Variants in SYNPO observed in about 807,000 individuals in gnomAD.
SYNPO encodes the protein synaptopodin.
Under a neutral mutation model 49.5 loss-of-function variants are expected in SYNPO, and 19 were observed. The ratio of observed to expected loss-of-function variants is 0.38; its 90% CI spans 0.27 to 0.56. The LOEUF (loss-of-function observed/expected upper bound fraction) is 0.56. SYNPO is among the 20% of genes least tolerant of loss of function. The pLI, the probability that SYNPO is intolerant of heterozygous loss-of-function variation, is 0.68. For synonymous variants in SYNPO, 536 were observed against 548.0 expected (o/e 0.98, Z 0.31); for missense variants, 1,131 against 1,248.3 (o/e 0.91, Z 1.42).
chr5:150,591,431 A>G, the SYNPO span, among the ~76,000 whole-genome samples: 1 of 152,188 alleles, frequency 6.6e-6, no homozygotes. Flanking sequence ...AATTCCAGCC[A>G]TCAAGCCTGT....
chr5:150,586,294 C>T, the SYNPO span, among the ~76,000 whole-genome samples: 150 of 152,364 alleles, frequency 9.8e-4, 1 homozygote, highest in African/African-American at 3.3e-3. Context: ...TAGAATCAAT[C>T]TTCCGCTGCA....
At chr5:150,622,927 A>G (rs1473293383) in intron 2 of SYNPO, among the ~76,000 whole-genome samples, 2 of 152,240 alleles carry the variant, frequency 1.3e-5, no homozygotes, top group South Asian at 2.1e-4. Flanking sequence ...CATGATGTAT[A>G]GATGCCATGT....
intron 2 of SYNPO, among the ~76,000 whole-genome samples, chr5:150,655,199 C>T (rs954478659): frequency 6.6e-6 from 1 of 152,226 alleles, no homozygotes; most frequent in Non-Finnish European, 1.5e-5. Flanking sequence ...GTTCAGAAAT[C>T]TAAACTTATA....
In SYNPO at chr5:150,640,865, T is replaced by G. The variant is rs191965952; in HGVS notation, c.-333+11T>G. On this transcript the variant is annotated intron_variant, in intron 1 of 2. Coordinates refer to ENST00000307662, the MANE Select transcript of SYNPO (RefSeq NM_007286.6). ...GGAGGACCTAGCAGAGTGAGTAAGA[T>G]GAGCACCCGGAGGTGCCTTTGTGGC... is the stretch of plus-strand genomic sequence containing the variant. 1 of 985,426 alleles carries G rather than the reference T, an allele frequency of 1.0e-6. No homozygotes were observed. Among genetic ancestry groups the G allele is most frequent in the Non-Finnish European group, 1.2e-6 (1 of 829,816 alleles). The allele number at this position is 985,426 out of a possible 1,614,324, so 61.0% of individuals were successfully genotyped here. A position where few individuals can be genotyped will look rare whatever the true frequency, so the allele number is the denominator to read the frequency against.
intron 2 of SYNPO, among the ~76,000 whole-genome samples, chr5:150,635,190 G>C (rs1757674513): frequency 6.6e-6 from 1 of 152,256 alleles, no homozygotes; most frequent in African/African-American, 2.4e-5. Flanking sequence ...GTACCTGCGG[G>C]TGCTCAGTGT....
Position 150,656,486 on chromosome 5 carries a change from G to GC in SYNPO, c.2114dup (p.Trp708ValfsTer36), listed in dbSNP as rs1174855947. 1.3e-6 allele frequency: 2 copies of GC among 1,532,466 alleles called. No homozygotes were observed. The highest frequency in any genetic ancestry group is 2.8e-5 in the African/African-American group (2 of 72,560). The allele number at this position is 1,532,466 out of a possible 1,614,324, so 94.9% of individuals were successfully genotyped here. ...CCCAGCAGCCTAGACGGCTGGGTGA[G>GC]CCCGGGCCCGTGGGAGCCAGGTCGC... On this transcript the variant is annotated frameshift_variant, in exon 3 of 3. Coordinates refer to ENST00000307662, the MANE Select transcript of SYNPO (RefSeq NM_007286.6). LOFTEE classifies it high-confidence loss of function.
rs905445765 is a variant in SYNPO at position 150,650,295 on chromosome 5, G to C, written c.2020G>C (p.Glu674Gln). Residue 674 changes from glutamate (E) to glutamine (Q), a missense_variant, in exon 2 of 3, where the codon GAG (glutamate) becomes CAG (glutamine). Physicochemically the swap from Glu to Gln is conservative, Grantham distance 29. Around this residue, in one of 4 missense-constraint regions of SYNPO, gnomAD observed 509 missense variants for 484.5 expected, o/e 1.05. Coordinates refer to ENST00000307662, the MANE Select transcript of SYNPO (RefSeq NM_007286.6). ...CTTCTCTACCCGGAACGCCGGGATCGAGGCTCAGGTGTGGAAGCCTTCCTT... is the reference window on the plus strand; with the variant it reads ...CTTCTCTACCCGGAACGCCGGGATCCAGGCTCAGGTGTGGAAGCCTTCCTT... ...PSFSTRNAGI[E>Q]AQDRRESLPT... 1 of 1,614,142 alleles carries C rather than the reference G, an allele frequency of 6.2e-7. No homozygotes were observed. The highest frequency in any genetic ancestry group is 8.5e-7 in the Non-Finnish European group (1 of 1,180,038).
At position 150,644,440 on chromosome 5, in the gene SYNPO, C is replaced by T. The variant is rs571094046; in HGVS notation, c.-332-3504C>T. On this transcript the variant is annotated intron_variant, in intron 1 of 2. Transcript: ENST00000307662. ...AGCTCTGGAATCTCCTGCTATTTGA[C>T]CTTCAGTCAATCCCCTGTGCTAGAA... 3.3e-5 allele frequency among the ~76,000 whole-genome samples: 5 copies of T among 152,306 alleles called. No homozygotes were observed. The East Asian group carries it at 7.7e-4, about 24-fold the overall frequency.
At chr5:150,618,753 T>G (rs1757057058) in exon 2 of SYNPO, 1 of 1,550,924 alleles carries the variant, frequency 6.4e-7, no homozygotes, top group African/African-American at 1.4e-5. Flanking sequence ...GGGCCCAGAG[T>G]GGCCCAGAAA....
Position 150,656,855 on chromosome 5 carries a change from C to T in SYNPO, c.2480C>T (p.Pro827Leu), listed in dbSNP as rs1466937872. 2 of 1,559,998 alleles carry T rather than the reference C, an allele frequency of 1.3e-6. No individual in the cohort carries two copies. The highest frequency in any genetic ancestry group is 2.4e-5 in the East Asian group (1 of 41,394). Residue 827 changes from proline to leucine, a missense_variant, in exon 3 of 3, where the codon CCG (proline) becomes CTG (leucine). Around this residue, in one of 4 missense-constraint regions of SYNPO, gnomAD observed 509 missense variants for 484.5 expected, o/e 1.05. Transcript: ENST00000307662. ...GAAFAPIPRS[P>L]LPAGPSSCTS... ...GCCTTCGCGCCCATCCCGCGGAGCC[C>T]GTTGCCCGCCGGTCCTTCGTCCTGC...
At chr5:150,611,848 A>G (rs1756857008) in intron 1 of SYNPO, among the ~76,000 whole-genome samples, 1 of 152,278 alleles carries the variant, frequency 6.6e-6, no homozygotes, top group African/African-American at 2.4e-5. Context: ...CAGGTGTAGC[A>G]GCAACCTTGC....
Position 150,656,703 on chromosome 5 carries a change from C to T in SYNPO, c.2328C>T (p.Gly776=). ...AGAGCGCCTCCCCGCGGTCGGCGGG[C>T]GCCGAGAACCCGCGGCCCTTCTCCC... ...RRKSASPRSA[G]AENPRPFSPP... is the part of the protein sequence containing the mutation. Residue 776 remains glycine, a synonymous_variant, in exon 3 of 3, where the codon GGC becomes GGT. Coordinates refer to ENST00000307662, the MANE Select transcript of SYNPO (RefSeq NM_007286.6). The T allele has an allele frequency of 6.2e-6, 9 of 1,449,724 alleles. No individual in the cohort carries two copies. The highest frequency in any genetic ancestry group is 1.3e-5 in the South Asian group (1 of 75,288). 89.8% of individuals were successfully genotyped at this position (1,449,724 alleles called of 1,614,324 possible). A position where few individuals can be genotyped will look rare whatever the true frequency, so the allele number is the denominator to read the frequency against.
intron 2 of SYNPO, among the ~76,000 whole-genome samples, chr5:150,655,897 C>T (rs1007901093): frequency 2.6e-5 from 4 of 152,190 alleles, no homozygotes; most frequent in Admixed American, 6.5e-5. Context: ...GTGATCCACC[C>T]GCCTCGGCCT....
intron 1 of SYNPO, among the ~76,000 whole-genome samples, chr5:150,601,601 G>A (rs750420384): frequency 6.6e-6 from 1 of 152,216 alleles, no homozygotes; most frequent in African/African-American, 2.4e-5. Context: ...GCACACGCGA[G>A]AGCCTGTCTG....
chr5:150,651,641 G>A (rs746707814), intron 2 of SYNPO: 2 of 1,001,824 alleles, frequency 2.0e-6, no homozygotes, highest in Non-Finnish European at 2.4e-6. Flanking sequence ...GGGACAGTAG[G>A]AGCATGGCAG....
At chr5:150,601,561 C>A (rs562727207) in intron 1 of SYNPO, among the ~76,000 whole-genome samples, 1 of 152,148 alleles carries the variant, frequency 6.6e-6, no homozygotes, top group Non-Finnish European at 1.5e-5. Flanking sequence ...GAGTTCTGTG[C>A]GTGTGCTTGT....
intron 2 of SYNPO, among the ~76,000 whole-genome samples, chr5:150,630,232 CTA>C (rs1315357262): frequency 6.6e-6 from 1 of 152,176 alleles, no homozygotes; most frequent in African/African-American, 2.4e-5. Context: ...TGAGTGGCTC[CTA>C]AGTGCTTGAG....
chr5:150,611,937 C>A (rs1406729092), intron 1 of SYNPO, among the ~76,000 whole-genome samples: 1 of 152,244 alleles, frequency 6.6e-6, no homozygotes, highest in Non-Finnish European at 1.5e-5. Context: ...GAAAGTGATT[C>A]TTCCAAGAAT....
upstream of SYNPO, chr5:150,640,259 C>T (rs901106396): frequency 6.2e-5 from 48 of 779,282 alleles, no homozygotes; most frequent in African/African-American, 9.4e-5. Context: ...CTAGGTAGGC[C>T]GGAAATCTGA....
Sources: allele counts gnomAD v4.1 joint callset (sites outside exome capture counted in the v4.1 genomes callset), GRCh38; gene constraint gnomAD v4.1.1; regional missense constraint gnomAD v4.1.1; transcripts MANE v1.5; gene names NCBI Gene and HGNC (gene_info 2026-07-23, HGNC 2026-07-21).